The following SGCD variants were observed in gnomAD, a reference collection of about 807,000 sequenced individuals.
SGCD encodes delta-sarcoglycan.
Under a neutral mutation model 36.6 loss-of-function variants are expected in SGCD, and 18 were observed. The observed-to-expected ratio is 0.49, with a 90% CI of 0.34 to 0.73. SGCD has a LOEUF of 0.73. Ranked by LOEUF, SGCD falls within the 30% of genes least tolerant of loss-of-function variation. The probability of loss-of-function intolerance (pLI) is 0.01; values close to 1 mark genes in which losing one functional copy is unlikely to be tolerated. For synonymous variants in SGCD, 133 were observed against 130.6 expected (o/e 1.02, Z -0.12); for missense variants, 387 against 346.7 (o/e 1.12, Z -0.92).
At chr5:155,733,775 C>T in the SGCD span, among the ~76,000 whole-genome samples, 3 of 152,104 alleles carry the variant, frequency 2.0e-5, no homozygotes, top group African/African-American at 2.4e-5. Context: ...CTACCCTCAC[C>T]TGCCTTGCTT....
At chr5:155,827,546 T>A in the SGCD span, among the ~76,000 whole-genome samples, 1 of 152,194 alleles carries the variant, frequency 6.6e-6, no homozygotes, top group East Asian at 1.9e-4. Flanking sequence ...TGTTTGTTTT[T>A]CTCTTAAGAA....
In SGCD at chr5:156,645,398, C is replaced by G. The variant is rs1342884425; in HGVS notation, c.503-2066C>G. On this transcript the variant is annotated intron_variant, in intron 6 of 8. Coordinates refer to ENST00000337851, the MANE Select transcript of SGCD (RefSeq NM_000337.6). ...TAAACAATGGTGTGAAAATCAGAAA[C>G]CTGATAGCACTTGGAAAGAAATGGC... 2.0e-5 allele frequency among the ~76,000 whole-genome samples: 3 copies of G among 151,986 alleles called. No homozygotes were observed. The East Asian group carries it at 5.8e-4, about 29-fold the overall frequency.
upstream of SGCD, among the ~76,000 whole-genome samples, chr5:156,323,741 C>G (rs1026204887): frequency 1.2e-4 from 19 of 152,132 alleles, no homozygotes; most frequent in Admixed American, 1.2e-3. Flanking sequence ...AAGTGGAAGT[C>G]TGTGAGAAGC....
chr5:156,074,772 A>C (rs983083887), intron 1 of SGCD, among the ~76,000 whole-genome samples: 1 of 152,270 alleles, frequency 6.6e-6, no homozygotes, highest in Non-Finnish European at 1.5e-5. Context: ...ACTACTTTGC[A>C]CAATAAAATA....
chr5:156,752,297 G>A (rs539539983), intron 7 of SGCD, among the ~76,000 whole-genome samples: 22 of 152,298 alleles, frequency 1.4e-4, no homozygotes, highest in African/African-American at 5.3e-4. Flanking sequence ...CTCCCGGGGG[G>A]AAGGAAATAG....
At chr5:156,691,981 T>C (rs1173646980) in intron 7 of SGCD, among the ~76,000 whole-genome samples, 2 of 152,076 alleles carry the variant, frequency 1.3e-5, no homozygotes, top group Admixed American at 6.6e-5. Flanking sequence ...TATATCATGA[T>C]GAAAAGGAAA....
chr5:156,343,353 C>T (rs762477067), intron 2 of SGCD, among the ~76,000 whole-genome samples: 21 of 152,272 alleles, frequency 1.4e-4, no homozygotes, highest in Non-Finnish European at 2.4e-4. Context: ...TGGAGATAGG[C>T]AGTGGGGGTC....
At chr5:156,389,162 C>A (rs77214147) in intron 3 of SGCD, among the ~76,000 whole-genome samples, 29,107 of 152,112 alleles carry the variant, frequency 0.19, 2,833 homozygotes, top group Middle Eastern at 0.26. Flanking sequence ...TTTTATTCCC[C>A]TGGGACTTCT....
intron 7 of SGCD, among the ~76,000 whole-genome samples, chr5:156,689,879 C>T (rs551225633): frequency 9.5e-4 from 144 of 152,252 alleles, no homozygotes; most frequent in Admixed American, 2.5e-3. Flanking sequence ...GATAAAGACA[C>T]GAAACACTTG....
intron 7 of SGCD, among the ~76,000 whole-genome samples, chr5:156,756,285 G>A (rs889872632): frequency 2.0e-5 from 3 of 152,110 alleles, no homozygotes; most frequent in Admixed American, 1.3e-4. Flanking sequence ...GATGGTTCAC[G>A]CTTGTAATCC....
chr5:156,000,021 A>T (rs949008454), intron 1 of SGCD, among the ~76,000 whole-genome samples: 3 of 152,220 alleles, frequency 2.0e-5, no homozygotes, highest in Non-Finnish European at 4.4e-5. Context: ...TAAATTTAGG[A>T]TTCTTGAAGC....
chr5:156,374,903 A>G (rs1265910592), intron 3 of SGCD, among the ~76,000 whole-genome samples: 1 of 152,200 alleles, frequency 6.6e-6, no homozygotes, highest in Non-Finnish European at 1.5e-5. Flanking sequence ...GCAATTTTAA[A>G]TAAACATTTG....
chr5:156,487,788 C>CAAAAAAAAAAAAAAAAAAA (rs56006984), intron 3 of SGCD, among the ~76,000 whole-genome samples: 5 of 41,390 alleles, frequency 1.2e-4, no homozygotes, highest in African/African-American at 1.8e-4. Context: ...ACTCTGTCAC[C>CAAAAAAAAAAAAAAAAAAA]AAAAAAAAAA....
At chr5:156,511,873 C>T (rs1193334513) in intron 4 of SGCD, among the ~76,000 whole-genome samples, 1 of 152,138 alleles carries the variant, frequency 6.6e-6, no homozygotes, top group Non-Finnish European at 1.5e-5. Flanking sequence ...TCTCTTAAGT[C>T]TATTCTGCAG....
At chr5:156,703,149 C>G (rs1463824951) in intron 7 of SGCD, among the ~76,000 whole-genome samples, 3 of 152,244 alleles carry the variant, frequency 2.0e-5, no homozygotes, top group Middle Eastern at 3.4e-3. Flanking sequence ...TGTTTCTGAC[C>G]TGGAAGTCTC....
chr5:156,182,050 A>G (rs766439155), intron 3 of SGCD, among the ~76,000 whole-genome samples: 5 of 152,214 alleles, frequency 3.3e-5, no homozygotes, highest in Non-Finnish European at 5.9e-5. Flanking sequence ...ATTTTCTAGG[A>G]GCACAGGGCT....
intron 4 of SGCD, among the ~76,000 whole-genome samples, chr5:156,515,666 T>C (rs1327230033): frequency 6.6e-6 from 1 of 152,246 alleles, no homozygotes; most frequent in Non-Finnish European, 1.5e-5. Context: ...GATACCCTTG[T>C]GAGCCCACGC....
intron 1 of SGCD, among the ~76,000 whole-genome samples, chr5:155,905,854 G>T (rs1756498623): frequency 6.6e-6 from 1 of 152,040 alleles, no homozygotes; most frequent in Non-Finnish European, 1.5e-5. Flanking sequence ...ATGATTCTGA[G>T]GCCTCCCCAG....
At chr5:155,757,733 T>G in the SGCD span, among the ~76,000 whole-genome samples, 1 of 152,194 alleles carries the variant, frequency 6.6e-6, no homozygotes, top group Admixed American at 6.5e-5. Flanking sequence ...TGTATGGACT[T>G]GCATGGCTTC....
Sources: gnomAD v4.1 joint callset for allele counts (sites outside exome capture counted in the v4.1 genomes callset) on GRCh38, gnomAD v4.1.1 for gene constraint, MANE v1.5 for transcripts, NCBI Gene and HGNC (gene_info 2026-07-23, HGNC 2026-07-21) for gene names.